Variants in CNTNAP2 observed in about 807,000 individuals in gnomAD.
CNTNAP2 encodes contactin associated protein 2.
CNTNAP2 carries 98 observed loss-of-function variants against 155.2 expected under a neutral mutation model. The observed-to-expected ratio is 0.63, with a 90% CI of 0.54 to 0.75. The LOEUF is 0.75. Ranked by LOEUF, CNTNAP2 falls within the 30% of genes least tolerant of loss-of-function variation. CNTNAP2 has a pLI of 0.00. For missense variants in CNTNAP2, 1,727 were observed against 1,688.1 expected (o/e 1.02, Z -0.40); for synonymous variants, 651 against 631.2 (o/e 1.03, Z -0.47).
intron 1 of CNTNAP2, among the ~76,000 whole-genome samples, chr7:146,133,930 GT>G (rs1449118693): frequency 5.3e-5 from 8 of 151,602 alleles, no homozygotes; most frequent in Admixed American, 4.6e-4. Flanking sequence ...CTTTAAAGTA[GT>G]TTTTTCCAAT....
intron 4 of CNTNAP2, among the ~76,000 whole-genome samples, chr7:147,058,409 C>A (rs990009427): frequency 6.6e-6 from 1 of 152,000 alleles, no homozygotes; most frequent in African/African-American, 2.4e-5. Flanking sequence ...ATATTCTATT[C>A]TATTATAGAA....
At chr7:147,797,616 G>A (rs987314413) in intron 13 of CNTNAP2, among the ~76,000 whole-genome samples, 1 of 151,542 alleles carries the variant, frequency 6.6e-6, no homozygotes, top group African/African-American at 2.4e-5. Flanking sequence ...TTACACTTTA[G>A]GACTCTTGGA....
chr7:148,186,687 C>A (rs962297285), intron 18 of CNTNAP2, among the ~76,000 whole-genome samples: 1 of 152,168 alleles, frequency 6.6e-6, no homozygotes, highest in Non-Finnish European at 1.5e-5. Context: ...TCAGAAACAC[C>A]TATGCACCTT....
chr7:147,571,501 A>G (rs1207459193), intron 12 of CNTNAP2, among the ~76,000 whole-genome samples: 1 of 152,016 alleles, frequency 6.6e-6, no homozygotes, highest in Non-Finnish European at 1.5e-5. Flanking sequence ...CTTAAACTCT[A>G]TCCCCAACAT....
At chr7:146,740,456 T>A (rs10282591) in intron 1 of CNTNAP2, among the ~76,000 whole-genome samples, 9,710 of 152,244 alleles carry the variant, frequency 0.064, 1,006 homozygotes, top group African/African-American at 0.22. Flanking sequence ...TATTTCTGTA[T>A]GATGTCACTG....
intron 8 of CNTNAP2, among the ~76,000 whole-genome samples, chr7:147,203,276 A>T (rs1383882451): frequency 6.6e-6 from 1 of 151,996 alleles, no homozygotes; most frequent in Non-Finnish European, 1.5e-5. Flanking sequence ...ATGGAGTCTC[A>T]CTCTGTTGCC....
chr7:148,257,944 C>G (rs1466306284), intron 20 of CNTNAP2, among the ~76,000 whole-genome samples: 7 of 149,190 alleles, frequency 4.7e-5, no homozygotes, highest in African/African-American at 1.3e-4. Context: ...CACACACACA[C>G]ACAGACAGAT....
chr7:147,392,834 C>A (rs928976329), intron 9 of CNTNAP2, among the ~76,000 whole-genome samples: 1 of 151,978 alleles, frequency 6.6e-6, no homozygotes, highest in South Asian at 2.1e-4. Flanking sequence ...GGTATATATA[C>A]AATGGAATAC....
chr7:147,292,383 A>G (rs1421483026), intron 8 of CNTNAP2, among the ~76,000 whole-genome samples: 2 of 152,200 alleles, frequency 1.3e-5, no homozygotes, highest in African/African-American at 4.8e-5. Flanking sequence ...CTGATGATAT[A>G]CATGTATAAT....
chr7:147,483,979 C>A (rs1259383445), intron 10 of CNTNAP2, among the ~76,000 whole-genome samples: 4 of 147,148 alleles, frequency 2.7e-5, no homozygotes, highest in Admixed American at 1.4e-4. Context: ...ACATACAACT[C>A]TTCTTTTCAG....
chr7:147,237,049 C>CTTTTTTTTTTTTTTTTTTTTT lies in CNTNAP2; in HGVS notation c.1349-63076_1349-63056dup, dbSNP rs548220734. On this transcript the variant is annotated intron_variant, in intron 8 of 23. Transcript: ENST00000361727. ...CCACTTCCTTTAGCCTTCACCTCCT[C>CTTTTTTTTTTTTTTTTTTTTT]TTTTTTTTTTTTTTTTTTTTTTTTT... is the stretch of plus-strand genomic sequence containing the variant. Among the ~76,000 whole-genome samples, 45 of 57,474 alleles carry CTTTTTTTTTTTTTTTTTTTTT rather than the reference C, an allele frequency of 7.8e-4. 8 individuals are homozygous for CTTTTTTTTTTTTTTTTTTTTT. Among genetic ancestry groups the CTTTTTTTTTTTTTTTTTTTTT allele is most frequent in the Non-Finnish European group, 1.1e-3 (33 of 29,590 alleles). The allele number at this position is 57,474 out of a possible 152,430, so 37.7% of individuals were successfully genotyped here.
At chr7:146,288,339 C>T (rs543200044) in intron 1 of CNTNAP2, among the ~76,000 whole-genome samples, 92 of 151,054 alleles carry the variant, frequency 6.1e-4, no homozygotes, top group Admixed American at 3.8e-3. Flanking sequence ...CTTGGTTTGA[C>T]CTTTGGAGTG....
At chr7:146,587,446 G>A (rs904164249) in intron 1 of CNTNAP2, among the ~76,000 whole-genome samples, 2 of 152,152 alleles carry the variant, frequency 1.3e-5, no homozygotes, top group East Asian at 3.9e-4. Flanking sequence ...AAGACTAGGT[G>A]TAGGGCTGCA....
At chr7:147,592,057 T>G (rs1800744390) in intron 12 of CNTNAP2, among the ~76,000 whole-genome samples, 1 of 152,192 alleles carries the variant, frequency 6.6e-6, no homozygotes, top group South Asian at 2.1e-4. Context: ...CATGATATCT[T>G]TCATATCACT....
At chr7:147,470,841 T>A (rs4725731) in intron 10 of CNTNAP2, among the ~76,000 whole-genome samples, 118,459 of 151,974 alleles carry the variant, frequency 0.78, 46,536 homozygotes, top group African/African-American at 0.87. Flanking sequence ...GATGTCCTTA[T>A]AATGAGATGA....
intron 10 of CNTNAP2, among the ~76,000 whole-genome samples, chr7:147,421,360 A>G (rs1255172826): frequency 6.6e-6 from 1 of 152,142 alleles, no homozygotes; most frequent in East Asian, 1.9e-4. Flanking sequence ...AATAGATGGT[A>G]GACATTGTAG....
intron 1 of CNTNAP2, among the ~76,000 whole-genome samples, chr7:146,563,998 A>C (rs1348507200): frequency 6.6e-6 from 1 of 152,162 alleles, no homozygotes; most frequent in Non-Finnish European, 1.5e-5. Flanking sequence ...GTCCAGCATT[A>C]ATGTATAAGT....
At chr7:147,823,308 G>A (rs899809698) in intron 13 of CNTNAP2, among the ~76,000 whole-genome samples, 2 of 152,116 alleles carry the variant, frequency 1.3e-5, no homozygotes, top group East Asian at 1.9e-4. Context: ...GTTAATGACC[G>A]ACCCAGTTGA....
intron 8 of CNTNAP2, among the ~76,000 whole-genome samples, chr7:147,279,444 G>A (rs1260631316): frequency 6.6e-6 from 1 of 151,618 alleles, no homozygotes; most frequent in Non-Finnish European, 1.5e-5. Context: ...TTTATTGTCA[G>A]TACTCTTCAT....
Sources: gnomAD v4.1 joint callset for allele counts (sites outside exome capture counted in the v4.1 genomes callset) on GRCh38, gnomAD v4.1.1 for gene constraint, MANE v1.5 for transcripts, NCBI Gene and HGNC (gene_info 2026-07-23, HGNC 2026-07-21) for gene names.